C12orf42: variants seen among roughly 807,000 people sequenced by gnomAD.
C12orf42 encodes the protein uncharacterized protein C12orf42.
Under a neutral mutation model 21.6 loss-of-function variants are expected in C12orf42, and 25 were observed. The ratio of observed to expected loss-of-function variants is 1.16; its 90% CI spans 0.84 to 1.62. C12orf42 has a LOEUF of 1.62. C12orf42 is among the 40% of genes most tolerant of loss of function. The pLI is 0.00. For missense variants in C12orf42, 483 were observed against 459.3 expected (o/e 1.05, Z -0.47); for synonymous variants, 174 against 175.0 (o/e 0.99, Z 0.05).
chr12:103,062,697 T>C, the C12orf42 span, among the ~76,000 whole-genome samples: 12 of 152,354 alleles, frequency 7.9e-5, no homozygotes, highest in South Asian at 6.2e-4. Flanking sequence ...TCAGCAATTG[T>C]AGTGTTTTGA....
At chr12:103,142,831 C>T in the C12orf42 span, among the ~76,000 whole-genome samples, 12 of 152,230 alleles carry the variant, frequency 7.9e-5, no homozygotes, top group African/African-American at 2.9e-4. Flanking sequence ...TAATAACTAA[C>T]AGTAAAAATA....
At chr12:103,244,990 G>A (rs1277339379) in intron 10 of C12orf42, among the ~76,000 whole-genome samples, 1 of 151,914 alleles carries the variant, frequency 6.6e-6, no homozygotes, top group African/African-American at 2.4e-5. Flanking sequence ...GAAGCAAAGG[G>A]GGAAAACAAG....
rs192105953 is a variant in C12orf42, at chr12:103,458,763, A to G, written c.78+19586T>C. ...TTGCTATAATGCTATAAACTGCTCA[A>G]GGGCTAACACTCATGGTCTATCACT... On this transcript the variant is annotated intron_variant, in intron 2 of 5. Transcript: ENST00000548883. Among the ~76,000 whole-genome samples, 4 of 152,266 alleles carry G rather than the reference A, an allele frequency of 2.6e-5. No individual in the cohort carries two copies. In the East Asian group the frequency reaches 7.7e-4, roughly 29 times the overall value.
the C12orf42 span, among the ~76,000 whole-genome samples, chr12:103,181,397 C>T: frequency 6.6e-6 from 1 of 152,130 alleles, no homozygotes; most frequent in Non-Finnish European, 1.5e-5. Flanking sequence ...AAATCATAAG[C>T]ATACCATAAA....
downstream of C12orf42, among the ~76,000 whole-genome samples, chr12:103,298,583 T>C (rs1208015782): frequency 1.3e-5 from 2 of 152,204 alleles, no homozygotes; most frequent in African/African-American, 2.4e-5. Context: ...AATGACTTTC[T>C]TCACAGAATT....
chr12:103,370,808 G>A (rs11111541), intron 3 of C12orf42, among the ~76,000 whole-genome samples: 25,886 of 152,014 alleles, frequency 0.17, 2,271 homozygotes, highest in South Asian at 0.28. Flanking sequence ...TGAGGAAGTT[G>A]TCTGTACACC....
intron 2 of C12orf42, among the ~76,000 whole-genome samples, chr12:103,438,813 G>A (rs959382439): frequency 1.3e-3 from 200 of 151,318 alleles, no homozygotes; most frequent in African/African-American, 3.6e-3. Context: ...AATCAATATC[G>A]TGAAAATGGC....
At chr12:103,445,626 A>G (rs1429762149) in intron 2 of C12orf42, among the ~76,000 whole-genome samples, 1 of 152,028 alleles carries the variant, frequency 6.6e-6, no homozygotes, top group Non-Finnish European at 1.5e-5. Flanking sequence ...TTTTTTATAA[A>G]GAGTTATTTA....
the C12orf42 span, among the ~76,000 whole-genome samples, chr12:103,172,363 G>C: frequency 1.3e-5 from 2 of 152,078 alleles, no homozygotes; most frequent in African/African-American, 4.8e-5. Flanking sequence ...GATGGAATGA[G>C]CCAGAGATGA....
intron 2 of C12orf42, 101 bp from the exon 3 acceptor site, chr12:103,401,776 C>A: frequency 9.2e-7 from 1 of 1,086,538 alleles, no homozygotes; most frequent in South Asian, 1.4e-5. Flanking sequence ...GAAGCTAATT[C>A]TTTCAAACAA....
the C12orf42 span, among the ~76,000 whole-genome samples, chr12:103,065,831 A>G: frequency 1.3e-5 from 2 of 152,324 alleles, no homozygotes; most frequent in East Asian, 1.9e-4. Context: ...GGAGCAACAC[A>G]TTCCTCATTT....
rs760164634 is a variant in C12orf42 at position 103,302,063 on chromosome 12, G to C, written c.*45C>G. 6.4e-7 allele frequency: 1 copy of C among 1,566,756 alleles called. No homozygotes were observed. ...CTTTCTGTTGTTCTGAGCAGGCATTGATTTGAAGATGGGCAGCACTCGCCG... is the reference window on the plus strand; with the variant it reads ...CTTTCTGTTGTTCTGAGCAGGCATTCATTTGAAGATGGGCAGCACTCGCCG... On this transcript the variant is annotated 3_prime_UTR_variant, in exon 6 of 6. Coordinates refer to ENST00000548883, the MANE Select transcript of C12orf42 (RefSeq NM_198521.5).
Position 103,302,072 on chromosome 12 carries a change from A to G in C12orf42, c.*36T>C. ...GTTCTGAGCAGGCATTGATTTGAAG[A>G]TGGGCAGCACTCGCCGAACAATTCC... On this transcript the variant is annotated 3_prime_UTR_variant, in exon 6 of 6. Coordinates refer to ENST00000548883, the MANE Select transcript of C12orf42 (RefSeq NM_198521.5). 1.3e-6 allele frequency: 2 copies of G among 1,576,340 alleles called. No individual in the cohort carries two copies. Among genetic ancestry groups the G allele is most frequent in the Non-Finnish European group, 1.7e-6 (2 of 1,159,870 alleles).
rs1017757198 is a variant in C12orf42, at chr12:103,446,397, A to C, written c.78+31952T>G. On this transcript the variant is annotated intron_variant, in intron 2 of 5. Transcript: ENST00000548883. ...GAAACAAATCCTTGAAATACACCAA[A>C]ATAGAACCTCCTTAAAGCATAAATC... Among the ~76,000 whole-genome samples, 13 of 152,140 alleles carry C rather than the reference A, an allele frequency of 8.5e-5. 1 individual carries two copies. The highest frequency in any genetic ancestry group is 2.6e-4 in the Admixed American group (4 of 15,260).
chr12:103,115,728 C>T, the C12orf42 span, among the ~76,000 whole-genome samples: 1 of 152,190 alleles, frequency 6.6e-6, no homozygotes, highest in Non-Finnish European at 1.5e-5. Flanking sequence ...AAGACCCAGG[C>T]TTGCTTTTGT....
At chr12:103,528,951 G>A in the C12orf42 span, among the ~76,000 whole-genome samples, 1 of 152,172 alleles carries the variant, frequency 6.6e-6, no homozygotes, top group Non-Finnish European at 1.5e-5. Context: ...CAAAATCACA[G>A]AGGCGGTGAG....
intron 4 of C12orf42, among the ~76,000 whole-genome samples, chr12:103,296,933 C>T (rs980034755): frequency 3.3e-5 from 5 of 152,112 alleles, no homozygotes; most frequent in East Asian, 1.9e-4. Flanking sequence ...AAGTCCTTGC[C>T]CATGCCTATG....
chr12:103,420,797 G>A (rs972551252), intron 2 of C12orf42, among the ~76,000 whole-genome samples: 1 of 152,132 alleles, frequency 6.6e-6, no homozygotes, highest in Non-Finnish European at 1.5e-5. Flanking sequence ...GGGATTGTAA[G>A]CATGAGTCAC....
At chr12:103,344,771 C>T (rs563087531) in intron 4 of C12orf42, among the ~76,000 whole-genome samples, 1 of 152,092 alleles carries the variant, frequency 6.6e-6, no homozygotes, top group Non-Finnish European at 1.5e-5. Context: ...AGCTAGTCTA[C>T]AGAAAAAGAA....
Sources: gnomAD v4.1 joint callset for allele counts (sites outside exome capture counted in the v4.1 genomes callset) on GRCh38, gnomAD v4.1.1 for gene constraint, MANE v1.5 for transcripts, NCBI Gene and HGNC (gene_info 2026-07-23, HGNC 2026-07-21) for gene names.